The following GNG12 variants were observed in gnomAD, a reference collection of about 807,000 sequenced individuals.
The protein encoded by GNG12 is guanine nucleotide-binding protein G(I)/G(S)/G(O) subunit gamma-12.
For missense variants in GNG12, 69 were observed against 83.8 expected, an observed-to-expected ratio of 0.82 and a Z score of 0.69; for synonymous variants, 28 against 29.7, an observed-to-expected ratio of 0.94 and a Z score of 0.19.
intron 1 of GNG12, among the ~76,000 whole-genome samples, chr1:67,824,509 CAAAAAAAAA>C (rs35736017): frequency 1.1e-5 from 1 of 94,170 alleles, no homozygotes; most frequent in South Asian, 4.0e-4. Context: ...GATCCTGTCT[CAAAAAAAAA>C]AAAAAAAAAA....
intron 1 of GNG12, among the ~76,000 whole-genome samples, chr1:67,795,308 A>G (rs1463218487): frequency 6.6e-6 from 1 of 152,148 alleles, no homozygotes; most frequent in Non-Finnish European, 1.5e-5. Flanking sequence ...TCCACCTAGA[A>G]GTCTGACGGA....
In GNG12 at chr1:67,738,805, A is replaced by G. The variant is rs376468658; in HGVS notation, c.-26-31093T>C. ...GGGGCATGAGGATTGCTTGAGCCTA[A>G]GAGTTCAAGGTTATAGTGAAGTATG... On this transcript the variant is annotated intron_variant, in intron 2 of 3. Coordinates refer to ENST00000370982, the MANE Select transcript of GNG12 (RefSeq NM_018841.6). Among the ~76,000 whole-genome samples, 16 of 152,184 alleles carry G rather than the reference A, an allele frequency of 1.1e-4. No homozygotes were observed. In the East Asian group the frequency reaches 1.7e-3, roughly 16 times the overall value.
intron 2 of GNG12, among the ~76,000 whole-genome samples, chr1:67,744,811 T>TGAATC: frequency 6.6e-6 from 1 of 152,156 alleles, no homozygotes; most frequent in Non-Finnish European, 1.5e-5. Flanking sequence ...ATCCGGCATT[T>TGAATC]GAATCTCTAC....
At chr1:67,709,813 TATATATATATATAA>T (rs1273785249) in intron 2 of GNG12, among the ~76,000 whole-genome samples, 1 of 131,964 alleles carries the variant, frequency 7.6e-6, no homozygotes, top group African/African-American at 2.9e-5. Flanking sequence ...AAGTTGCAGA[TATATATATATATAA>T]ATATATATAT....
chr1:67,731,487 G>A (rs1646419188), intron 2 of GNG12, among the ~76,000 whole-genome samples: 3 of 152,222 alleles, frequency 2.0e-5, no homozygotes. Context: ...TCACGGAGGA[G>A]GTGGAACTGC....
At position 67,737,961 on chromosome 1, in the gene GNG12, CT is replaced by C. The variant is rs904683533; in HGVS notation, c.-26-30250del. Among the ~76,000 whole-genome samples the C allele has an allele frequency of 8.5e-4, 129 of 151,356 alleles. 1 individual carries two copies. The highest frequency in any genetic ancestry group is 2.9e-3 in the African/African-American group (118 of 41,246). Reference sequence around the variant, plus strand: ...CTTTATTATAAAAGCTTTTCTTTTCCTTTTTTTTTCTGTCACCCAGGCTGGA... The same window carrying C: ...CTTTATTATAAAAGCTTTTCTTTTCCTTTTTTTTCTGTCACCCAGGCTGGA... On this transcript the variant is annotated intron_variant, in intron 2 of 3. Transcript: ENST00000370982.
At chr1:67,709,876 A>G (rs1431065017) in intron 2 of GNG12, among the ~76,000 whole-genome samples, 1 of 120,674 alleles carries the variant, frequency 8.3e-6, no homozygotes, top group Non-Finnish European at 1.6e-5. Context: ...TTATATATAT[A>G]TTTATATATA....
At chr1:67,738,027 C>T (rs1646461964) in intron 2 of GNG12, among the ~76,000 whole-genome samples, 1 of 152,174 alleles carries the variant, frequency 6.6e-6, no homozygotes, top group South Asian at 2.1e-4. Context: ...GCCTCAACCT[C>T]CCAGGCTCAG....
In GNG12 at chr1:67,702,163, A is replaced by C. The variant is rs947813042; in HGVS notation, c.*3288T>G. 7 of 152,222 alleles carry C rather than the reference A, an allele frequency of 4.6e-5. No homozygotes were observed. The highest frequency in any genetic ancestry group is 1.7e-4 in the African/African-American group (7 of 41,456). The allele number at this position is 152,222 out of a possible 1,614,324, so 9.4% of individuals were successfully genotyped here. ...TGCTCTATTTTAACATACAGATATA[A>C]GATTCTATTTGATTTGATGTATTTT... On this transcript the variant is annotated 3_prime_UTR_variant, in exon 4 of 4. Coordinates refer to ENST00000370982, the MANE Select transcript of GNG12 (RefSeq NM_018841.6).
At chr1:67,754,071 C>T (rs1234158205) in intron 2 of GNG12, among the ~76,000 whole-genome samples, 1 of 152,146 alleles carries the variant, frequency 6.6e-6, no homozygotes, top group African/African-American at 2.4e-5. Flanking sequence ...ACTTTCTGTT[C>T]CCGGTCGTGC....
intron 1 of GNG12, among the ~76,000 whole-genome samples, chr1:67,814,416 C>T (rs1404862069): frequency 6.6e-6 from 1 of 152,212 alleles, no homozygotes; most frequent in African/African-American, 2.4e-5. Flanking sequence ...TAACCATTAG[C>T]AAAACTGTTC....
intron 2 of GNG12, among the ~76,000 whole-genome samples, chr1:67,719,114 A>G (rs1451607879): frequency 6.6e-6 from 1 of 152,086 alleles, no homozygotes; most frequent in African/African-American, 2.4e-5. Context: ...CAGAACCTCT[A>G]TTGCTATACT....
chr1:67,805,345 TCA>T (rs1646889138), intron 1 of GNG12, among the ~76,000 whole-genome samples: 1 of 152,050 alleles, frequency 6.6e-6, no homozygotes, highest in African/African-American at 2.4e-5. Context: ...CAAACAAGCA[TCA>T]GAACCAGAAT....
intron 2 of GNG12, among the ~76,000 whole-genome samples, chr1:67,749,636 G>T (rs573187812): frequency 6.6e-6 from 1 of 152,308 alleles, no homozygotes; most frequent in South Asian, 2.1e-4. Flanking sequence ...ACAGAGCAAA[G>T]GGCTTATTTT....
At chr1:67,800,506 T>C (rs796542860) in intron 1 of GNG12, among the ~76,000 whole-genome samples, 1 of 152,226 alleles carries the variant, frequency 6.6e-6, no homozygotes, top group South Asian at 2.1e-4. Context: ...GGTGAAAAGA[T>C]GGCAGGTTCA....
intron 2 of GNG12, among the ~76,000 whole-genome samples, chr1:67,720,394 A>G (rs1474384784): frequency 1.3e-5 from 2 of 152,224 alleles, no homozygotes; most frequent in Non-Finnish European, 2.9e-5. Flanking sequence ...GTTTACAGTC[A>G]ACACTAAGAA....
At chr1:67,732,784 C>T (rs375963496) in intron 2 of GNG12, among the ~76,000 whole-genome samples, 8 of 152,322 alleles carry the variant, frequency 5.3e-5, no homozygotes, top group South Asian at 2.1e-4. Context: ...GACCCTCAGA[C>T]GAGGCTCTCT....
In GNG12 at chr1:67,740,833, C is replaced by T. The variant is rs895658893; in HGVS notation, c.-26-33121G>A. 6.6e-5 allele frequency among the ~76,000 whole-genome samples: 10 copies of T among 152,122 alleles called. No homozygotes were observed. The South Asian group carries it at 1.9e-3, about 28-fold the overall frequency. On this transcript the variant is annotated intron_variant, in intron 2 of 3. Coordinates refer to ENST00000370982, the MANE Select transcript of GNG12 (RefSeq NM_018841.6). ...GAGGAAGCAGGACCTCACCAGACAT[C>T]GAATCTGCTAGAGCCTTGGTCTTGG...
intron 1 of GNG12, chr1:67,832,424 C>A (rs1471886099): frequency 6.6e-6 from 1 of 152,200 alleles, no homozygotes; most frequent in Admixed American, 6.5e-5. Flanking sequence ...ACAAGAATCA[C>A]GGCTTCCTTA....
Sources: allele counts gnomAD v4.1 joint callset (sites outside exome capture counted in the v4.1 genomes callset), GRCh38; gene constraint gnomAD v4.1.1; transcripts MANE v1.5; gene names NCBI Gene and HGNC (gene_info 2026-07-23, HGNC 2026-07-21).